The following RAPGEF1 variants were observed in gnomAD, a reference collection of about 807,000 sequenced individuals.
The protein encoded by RAPGEF1 is Rap guanine nucleotide exchange factor 1, also known as CRK SH3-binding GNRP.
A neutral mutation model predicts 143.3 loss-of-function variants in RAPGEF1; 33 were observed. That is an observed-to-expected ratio of 0.23 (90% confidence interval 0.17 to 0.31). RAPGEF1 has a LOEUF of 0.31. Ranked by LOEUF, RAPGEF1 falls within the 10% of genes least tolerant of loss-of-function variation. RAPGEF1 has a pLI of 1.00. For missense variants in RAPGEF1, 1,199 were observed against 1,645.4 expected (o/e 0.73, Z 4.69); for synonymous variants, 629 against 676.5 (o/e 0.93, Z 1.09).
chr9:131,692,836 C>T (rs1833879101), intron 1 of RAPGEF1, among the ~76,000 whole-genome samples: 1 of 152,178 alleles, frequency 6.6e-6, no homozygotes, highest in Non-Finnish European at 1.5e-5. Context: ...GAAATGCCAC[C>T]TTCTAGCCGA....
At chr9:131,596,083 A>G (rs1387474541) in intron 17 of RAPGEF1, among the ~76,000 whole-genome samples, 1 of 152,186 alleles carries the variant, frequency 6.6e-6, no homozygotes, top group Non-Finnish European at 1.5e-5. Flanking sequence ...ACTACCTTGT[A>G]CCAGCGGAGG....
intron 1 of RAPGEF1, among the ~76,000 whole-genome samples, chr9:131,711,663 T>C (rs919767051): frequency 6.6e-6 from 1 of 152,236 alleles, no homozygotes; most frequent in Admixed American, 6.5e-5. Context: ...CAGCCCTTCA[T>C]CACTTTTATA....
chr9:131,727,311 G>A (rs991094939), intron 1 of RAPGEF1, among the ~76,000 whole-genome samples: 1 of 152,136 alleles, frequency 6.6e-6, no homozygotes, highest in African/African-American at 2.4e-5. Flanking sequence ...GGGAATTTAC[G>A]GCTTGGCAGA....
intron 1 of RAPGEF1, among the ~76,000 whole-genome samples, chr9:131,685,585 C>T (rs1050968171): frequency 3.3e-5 from 5 of 152,236 alleles, no homozygotes; most frequent in Admixed American, 6.5e-5. Context: ...CCCATCCCTT[C>T]GTTTCCCATA....
intron 1 of RAPGEF1, among the ~76,000 whole-genome samples, chr9:131,722,041 C>A (rs888909456): frequency 1.3e-5 from 2 of 152,146 alleles, no homozygotes; most frequent in African/African-American, 4.8e-5. Flanking sequence ...GTATTTTCTC[C>A]TTTGTTTCCT....
chr9:131,615,896 C>A (rs1958921098), intron 12 of RAPGEF1, among the ~76,000 whole-genome samples: 1 of 152,200 alleles, frequency 6.6e-6, no homozygotes, highest in Non-Finnish European at 1.5e-5. Context: ...TGTCATTCCT[C>A]ACACGTGCTT....
At chr9:131,626,520 G>T in intron 9 of RAPGEF1, 98 bp from the exon 10 acceptor site, 2 of 1,221,862 alleles carry the variant, frequency 1.6e-6, no homozygotes, top group South Asian at 1.6e-5. Context: ...GCTCATGGGT[G>T]TGTGACAAAG....
chr9:131,720,085 C>T (rs1247388567), intron 1 of RAPGEF1, among the ~76,000 whole-genome samples: 3 of 152,090 alleles, frequency 2.0e-5, no homozygotes, highest in Non-Finnish European at 4.4e-5. Flanking sequence ...AGGGTTTCAT[C>T]ATGTTGGCCA....
intron 12 of RAPGEF1, among the ~76,000 whole-genome samples, chr9:131,614,834 G>GTTTT (rs5900947): frequency 1.4e-5 from 2 of 146,230 alleles, no homozygotes; most frequent in Non-Finnish European, 3.0e-5. Context: ...TTAGCCTGAA[G>GTTTT]TTTTTTTTTT....
chr9:131,615,348 G>A (rs569583774), intron 12 of RAPGEF1, among the ~76,000 whole-genome samples: 281 of 152,272 alleles, frequency 1.8e-3, no homozygotes, highest in South Asian at 3.3e-3. Flanking sequence ...TGCTGGGATT[G>A]CAGGCGTGAG....
intron 1 of RAPGEF1, among the ~76,000 whole-genome samples, chr9:131,652,561 G>C (rs1971343851): frequency 6.6e-6 from 1 of 151,410 alleles, no homozygotes; most frequent in Admixed American, 6.6e-5. Flanking sequence ...TTTCATTAAA[G>C]ACAAAGACAG....
intron 1 of RAPGEF1, among the ~76,000 whole-genome samples, chr9:131,680,374 G>A (rs1488454364): frequency 1.3e-5 from 2 of 152,218 alleles, no homozygotes; most frequent in East Asian, 3.8e-4. Flanking sequence ...GGAGAGGAGT[G>A]TTGGGAGCAG....
At chr9:131,618,905 C>A in intron 12 of RAPGEF1, 146 bp downstream of exon 12, 1 of 632,288 alleles carries the variant, frequency 1.6e-6, no homozygotes, top group South Asian at 1.8e-5. Flanking sequence ...GAGAACCAAC[C>A]ATTCATAGCC....
chr9:131,713,954 A>AT (rs1835683797), intron 1 of RAPGEF1, among the ~76,000 whole-genome samples: 1 of 152,204 alleles, frequency 6.6e-6, no homozygotes, highest in Non-Finnish European at 1.5e-5. Context: ...TTTCTCCCCC[A>AT]TATCAGAGTA....
intron 26 of RAPGEF1, 23 bp downstream of exon 26, chr9:131,580,240 C>A: frequency 6.2e-7 from 1 of 1,610,250 alleles, no homozygotes; most frequent in Non-Finnish European, 8.5e-7. Flanking sequence ...TCTGCCTGGT[C>A]CCCCCGGGGC....
intron 1 of RAPGEF1, among the ~76,000 whole-genome samples, chr9:131,728,716 C>T (rs1274687548): frequency 6.6e-6 from 1 of 152,232 alleles, no homozygotes; most frequent in Non-Finnish European, 1.5e-5. Flanking sequence ...ACCTCCCCTT[C>T]TCTGTGAGTG....
intron 1 of RAPGEF1, among the ~76,000 whole-genome samples, chr9:131,734,660 C>T (rs553843162): frequency 1.4e-4 from 22 of 152,246 alleles, no homozygotes; most frequent in East Asian, 1.2e-3. Flanking sequence ...TAAAATTGAT[C>T]GAAATACAAT....
At chr9:131,737,397 T>C (rs1405519916) in intron 1 of RAPGEF1, 31 of 1,613,160 alleles carry the variant, frequency 1.9e-5, no homozygotes, top group Non-Finnish European at 2.5e-5. Context: ...ATGACACCCC[T>C]CTCTCACCTG....
At chr9:131,643,716 C>T (rs1564609233) in intron 3 of RAPGEF1, among the ~76,000 whole-genome samples, 1 of 152,326 alleles carries the variant, frequency 6.6e-6, no homozygotes, top group East Asian at 1.9e-4. Context: ...GCCACACTGA[C>T]AGACCACCAC....
Sources: gnomAD v4.1 joint callset for allele counts (sites outside exome capture counted in the v4.1 genomes callset) on GRCh38, gnomAD v4.1.1 for gene constraint, MANE v1.5 for transcripts, NCBI Gene and HGNC (gene_info 2026-07-23, HGNC 2026-07-21) for gene names.